MCTP1: variants seen among roughly 807,000 people sequenced by gnomAD.
The protein encoded by MCTP1 is multiple C2 and transmembrane domain containing 1, also known as multiple C2 and transmembrane domain-containing protein 1.
A neutral mutation model predicts 120.6 loss-of-function variants in MCTP1; 69 were observed. That is an observed-to-expected ratio of 0.57 (90% CI 0.47 to 0.70). The LOEUF is 0.70. Ranked by LOEUF, MCTP1 falls within the 30% of genes least tolerant of loss-of-function variation. The pLI is 0.00. For synonymous variants in MCTP1, 529 were observed against 493.1 expected (o/e 1.07, Z -0.96); for missense variants, 1,203 against 1,248.8 (o/e 0.96, Z 0.55).
At chr5:95,010,482 T>A (rs1835721792) in intron 2 of MCTP1, among the ~76,000 whole-genome samples, 1 of 152,190 alleles carries the variant, frequency 6.6e-6, no homozygotes, top group Non-Finnish European at 1.5e-5. Flanking sequence ...ATCTATCTAA[T>A]CGAATGTTTA....
chr5:94,776,244 G>A (rs1463556407), intron 19 of MCTP1, among the ~76,000 whole-genome samples: 32 of 152,046 alleles, frequency 2.1e-4, no homozygotes, highest in Admixed American at 6.6e-5. Context: ...ATGCCCACAC[G>A]GACCTTGTCA....
rs1265395882 is a variant in MCTP1, at chr5:94,742,385, T to C, written c.2611-27499A>G. Among the ~76,000 whole-genome samples, 7 of 152,154 alleles carry C rather than the reference T, an allele frequency of 4.6e-5. No homozygotes were observed. The South Asian group carries it at 1.2e-3, about 27-fold the overall frequency. ...TGTATATCTTTTTATCAGTTTTAAG[T>C]GTGTCCACTGATTTTTCCATCTTGG... is the stretch of plus-strand genomic sequence containing the variant. On this transcript the variant is annotated intron_variant, in intron 19 of 22. Transcript: ENST00000515393.
intron 3 of MCTP1, among the ~76,000 whole-genome samples, chr5:94,944,312 A>T (rs1488163027): frequency 6.6e-6 from 1 of 152,138 alleles, no homozygotes; most frequent in African/African-American, 2.4e-5. Flanking sequence ...ATTCTCCTTG[A>T]TCAATTACAC....
chr5:95,033,304 T>A (rs1840631651), intron 1 of MCTP1, among the ~76,000 whole-genome samples: 1 of 152,036 alleles, frequency 6.6e-6, no homozygotes, highest in Non-Finnish European at 1.5e-5. Flanking sequence ...ATAGCCCTAA[T>A]GAACATAGAC....
At chr5:94,786,416 T>A (rs1777706183) in intron 18 of MCTP1, among the ~76,000 whole-genome samples, 2 of 152,168 alleles carry the variant, frequency 1.3e-5, no homozygotes, top group African/African-American at 2.4e-5. Context: ...TGATATTTTT[T>A]ATCTTTTTTA....
At chr5:95,091,346 AT>A (rs1434974937) in intron 1 of MCTP1, among the ~76,000 whole-genome samples, 1 of 152,190 alleles carries the variant, frequency 6.6e-6, no homozygotes, top group East Asian at 1.9e-4. Context: ...CTTTGTGGCA[AT>A]TTTTGAAACA....
intron 1 of MCTP1, among the ~76,000 whole-genome samples, chr5:95,237,503 C>T (rs999928183): frequency 1.3e-5 from 2 of 152,126 alleles, no homozygotes; most frequent in African/African-American, 2.4e-5. Context: ...AAGCCCCATC[C>T]TAAAGCTCCT....
intron 19 of MCTP1, among the ~76,000 whole-genome samples, chr5:94,751,412 CA>C (rs1446369935): frequency 2.0e-5 from 3 of 149,830 alleles, no homozygotes; most frequent in Non-Finnish European, 3.0e-5. Flanking sequence ...GGGGTGGAGA[CA>C]GGGGGTGAGG....
At chr5:95,180,651 A>C (rs1748502039) in intron 1 of MCTP1, among the ~76,000 whole-genome samples, 1 of 151,864 alleles carries the variant, frequency 6.6e-6, no homozygotes, top group African/African-American at 2.4e-5. Flanking sequence ...GTAACTCCCT[A>C]TATGATTCTC....
intron 1 of MCTP1, among the ~76,000 whole-genome samples, chr5:95,070,387 T>C (rs1326694238): frequency 6.6e-6 from 1 of 152,246 alleles, no homozygotes; most frequent in East Asian, 1.9e-4. Flanking sequence ...AGTTCTCTTC[T>C]TGTCAACGGG....
intron 1 of MCTP1, among the ~76,000 whole-genome samples, chr5:95,179,237 T>A (rs1252826382): frequency 1.3e-5 from 2 of 152,168 alleles, no homozygotes; most frequent in Non-Finnish European, 2.9e-5. Flanking sequence ...AAGAGAAATC[T>A]AAAAGTCTGG....
chr5:94,924,844 T>G (rs1301439520), intron 6 of MCTP1, among the ~76,000 whole-genome samples: 2 of 152,216 alleles, frequency 1.3e-5, no homozygotes, highest in Admixed American at 1.3e-4. Flanking sequence ...AGGAAGCACT[T>G]TTGCAACTTC....
At chr5:94,836,441 A>G (rs930626860) in intron 17 of MCTP1, among the ~76,000 whole-genome samples, 4 of 152,188 alleles carry the variant, frequency 2.6e-5, no homozygotes, top group Non-Finnish European at 5.9e-5. Context: ...GACAGACAGC[A>G]CTTGAGGAGT....
intron 3 of MCTP1, among the ~76,000 whole-genome samples, chr5:94,942,928 A>G (rs1026342537): frequency 6.6e-6 from 1 of 152,134 alleles, no homozygotes; most frequent in Non-Finnish European, 1.5e-5. Flanking sequence ...TTTTATTGTC[A>G]CAAACAATTA....
At chr5:95,013,643 G>A (rs72777377) in intron 2 of MCTP1, among the ~76,000 whole-genome samples, 8,878 of 152,138 alleles carry the variant, frequency 0.058, 329 homozygotes, top group Middle Eastern at 0.092. Flanking sequence ...AGCATGGTTT[G>A]CTAAATATTT....
intron 17 of MCTP1, among the ~76,000 whole-genome samples, chr5:94,823,873 G>C (rs1786292732): frequency 6.6e-6 from 1 of 152,186 alleles, no homozygotes; most frequent in South Asian, 2.1e-4. Flanking sequence ...AGGAATGCTT[G>C]TGATTTTTGC....
chr5:94,982,708 G>A (rs1388073675), intron 2 of MCTP1, among the ~76,000 whole-genome samples: 8 of 151,622 alleles, frequency 5.3e-5, no homozygotes, highest in African/African-American at 1.9e-4. Context: ...GGCCAACAGG[G>A]CAAAACTCTG....
At chr5:94,949,560 A>T (rs926354555) in intron 3 of MCTP1, among the ~76,000 whole-genome samples, 2 of 141,330 alleles carry the variant, frequency 1.4e-5, no homozygotes, top group South Asian at 2.2e-4. Flanking sequence ...AGATTTTTTT[A>T]AAAAATAAAA....
At chr5:95,016,969 G>A (rs2153666978) in intron 2 of MCTP1, among the ~76,000 whole-genome samples, 1 of 152,228 alleles carries the variant, frequency 6.6e-6, no homozygotes, top group South Asian at 2.1e-4. Flanking sequence ...TTAGTCCTGG[G>A]TCCTGCAATG....
Sources: gnomAD v4.1 joint callset for allele counts (sites outside exome capture counted in the v4.1 genomes callset) on GRCh38, gnomAD v4.1.1 for gene constraint, MANE v1.5 for transcripts, NCBI Gene and HGNC (gene_info 2026-07-23, HGNC 2026-07-21) for gene names.